Variants in DEPDC5 observed in about 807,000 individuals in gnomAD.
The protein encoded by DEPDC5 is GATOR1 complex protein DEPDC5.
In DEPDC5, 73 loss-of-function variants were observed where a neutral mutation model predicts 217.3. That is an observed-to-expected ratio of 0.34 (90% CI 0.28 to 0.41). The LOEUF (loss-of-function observed/expected upper bound fraction) is 0.41, where lower values mean the gene tolerates loss of function less well. DEPDC5 is among the 10% of genes least tolerant of loss of function. The pLI is 1.00. For synonymous variants in DEPDC5, 733 were observed against 756.7 expected (o/e 0.97, Z 0.51); for missense variants, 1,675 against 2,070.1 (o/e 0.81, Z 3.70).
At chr22:31,889,440 A>G (rs2093389151) in intron 38 of DEPDC5, among the ~76,000 whole-genome samples, 1 of 152,140 alleles carries the variant, frequency 6.6e-6, no homozygotes, top group Non-Finnish European at 1.5e-5. Context: ...GAAGAGATGC[A>G]TGAGGCCACT....
At chr22:31,782,139 T>A (rs5998125) in intron 8 of DEPDC5, among the ~76,000 whole-genome samples, 14,883 of 122,328 alleles carry the variant, frequency 0.12, 887 homozygotes, top group African/African-American at 0.19. Flanking sequence ...CTGAAAAAAA[T>A]TTTTTTTTTT....
At position 31,851,066 on chromosome 22, in the gene DEPDC5, CAAAAAAA is replaced by C. The variant is rs136861; in HGVS notation, c.3155+4112_3155+4118del. 5.1e-4 allele frequency among the ~76,000 whole-genome samples: 59 copies of C among 115,260 alleles called. 1 individual carries two copies. Among genetic ancestry groups the C allele is most frequent in the Admixed American group, 8.0e-4 (9 of 11,206 alleles). The allele number at this position is 115,260 out of a possible 152,430, so 75.6% of individuals were successfully genotyped here. A position where few individuals can be genotyped will look rare whatever the true frequency, so the allele number is the denominator to read the frequency against. ...TTGGTTACAGAGCGAGACTCCGTCT[CAAAAAAA>C]AAAAAAAAAAAATCCAGTTTTACTG... is the stretch of plus-strand genomic sequence containing the variant. On this transcript the variant is annotated intron_variant, in intron 31 of 42. Coordinates refer to ENST00000651528, the MANE Select transcript of DEPDC5 (RefSeq NM_001242896.3).
chr22:31,794,966 A>G (rs1465680976), intron 12 of DEPDC5, among the ~76,000 whole-genome samples: 2 of 152,134 alleles, frequency 1.3e-5, no homozygotes, highest in South Asian at 2.1e-4. Flanking sequence ...AATTCCATCT[A>G]CCAAATATAG....
intron 31 of DEPDC5, among the ~76,000 whole-genome samples, chr22:31,852,162 A>C (rs2149077248): frequency 6.6e-6 from 1 of 152,304 alleles, no homozygotes; most frequent in Admixed American, 6.5e-5. Context: ...CCCTGTCTCA[A>C]TAAAAAATGA....
At chr22:31,893,892 T>TA (rs2093492993) in intron 39 of DEPDC5, 141 bp downstream of exon 39, 2 of 983,278 alleles carry the variant, frequency 2.0e-6, no homozygotes, top group South Asian at 5.1e-5. Flanking sequence ...GTAACCTTTT[T>TA]AAAAAATTTA....
chr22:31,770,912 C>A (rs2083295335), intron 7 of DEPDC5, among the ~76,000 whole-genome samples: 1 of 151,108 alleles, frequency 6.6e-6, no homozygotes, highest in Non-Finnish European at 1.5e-5. Context: ...CTGCCTGGGC[C>A]TCCTGAACTA....
Position 31,809,597 on chromosome 22 carries a change from AT to A in DEPDC5, c.1288-11del, listed in dbSNP as rs764322066. 7.4e-6 allele frequency: 12 copies of A among 1,613,794 alleles called. No individual in the cohort carries two copies. The South Asian group carries it at 1.3e-4, about 18-fold the overall frequency. On this transcript the variant is annotated splice_polypyrimidine_tract_variant and intron_variant, in intron 18 of 42. Coordinates refer to ENST00000651528, the MANE Select transcript of DEPDC5 (RefSeq NM_001242896.3). ...CGAAGGAAGGAGTGATTAATTATCT[AT>A]TTAATTTTTCAGCCCGCCTCTGAGA... is the stretch of plus-strand genomic sequence containing the variant.
At position 31,822,750 on chromosome 22, in the gene DEPDC5, A is replaced by T; in HGVS notation, c.2064A>T (p.Thr688=). 1 of 1,614,164 alleles carries T rather than the reference A, an allele frequency of 6.2e-7. No homozygotes were observed. The highest frequency in any genetic ancestry group is 8.5e-7 in the Non-Finnish European group (1 of 1,180,016). ...TGTCCTTCTTGAACTTCAGTGGAACAGAGGAGCTTTCTGTCGGCCTGCTTA... is the reference window on the plus strand; with the variant it reads ...TGTCCTTCTTGAACTTCAGTGGAACTGAGGAGCTTTCTGTCGGCCTGCTTA... The part of the protein sequence containing the change: ...DGMSFLNFSG[T]EELSVGLLSN... Residue 688 remains threonine (T), a synonymous_variant, in exon 24 of 43, where the codon ACA becomes ACT. Transcript: ENST00000651528.
At chr22:31,823,373 A>C (rs2089876947) in intron 24 of DEPDC5, among the ~76,000 whole-genome samples, 1 of 151,954 alleles carries the variant, frequency 6.6e-6, no homozygotes, top group African/African-American at 2.4e-5. Context: ...TCTACCAAAA[A>C]CACAAAAAGA....
intron 28 of DEPDC5, 46 bp downstream of exon 28, chr22:31,843,258 T>C: frequency 1.3e-6 from 2 of 1,563,612 alleles, no homozygotes; most frequent in Non-Finnish European, 8.8e-7. Context: ...TCCTGAATTA[T>C]GGCCACATAC....
At chr22:31,803,507 C>T (rs1187337219) in intron 15 of DEPDC5, among the ~76,000 whole-genome samples, 1 of 152,118 alleles carries the variant, frequency 6.6e-6, no homozygotes, top group Non-Finnish European at 1.5e-5. Context: ...CCACCACACC[C>T]AGCCGCTGTC....
At chr22:31,849,599 G>A (rs1304764537) in intron 31 of DEPDC5, among the ~76,000 whole-genome samples, 1 of 152,026 alleles carries the variant, frequency 6.6e-6, no homozygotes, top group Non-Finnish European at 1.5e-5. Context: ...TAGCCAACAT[G>A]GTGAAATCCC....
rs561150184 is a variant in DEPDC5 at position 31,887,684 on chromosome 22, A to G, written c.4034-5898A>G. On this transcript the variant is annotated intron_variant, in intron 38 of 42. Coordinates refer to ENST00000651528, the MANE Select transcript of DEPDC5 (RefSeq NM_001242896.3). ...ATTTCATTCCATCAGCCTCTTGCCC[A>G]TCCGTCTTCCCAAAAGAAATGGGTT... 2.6e-5 allele frequency among the ~76,000 whole-genome samples: 4 copies of G among 152,262 alleles called. No individual in the cohort carries two copies. The East Asian group carries it at 5.8e-4, about 22-fold the overall frequency.
At chr22:31,866,359 A>G (rs2092689236) in intron 33 of DEPDC5, among the ~76,000 whole-genome samples, 1 of 151,858 alleles carries the variant, frequency 6.6e-6, no homozygotes. Flanking sequence ...AGTCTCTTCT[A>G]ATCTGTGACT....
intron 14 of DEPDC5, 94 bp downstream of exon 14, chr22:31,798,750 C>G: frequency 8.1e-7 from 1 of 1,235,634 alleles, no homozygotes; most frequent in South Asian, 1.3e-5. Flanking sequence ...AGAGAAGGTT[C>G]TTGGATCTTG....
chr22:31,863,821 G>A (rs936027735), intron 33 of DEPDC5, among the ~76,000 whole-genome samples: 6 of 151,872 alleles, frequency 4.0e-5, no homozygotes, highest in Admixed American at 3.9e-4. Flanking sequence ...TACTTGAGAG[G>A]GTGAGGGAGG....
At chr22:31,778,258 G>A in intron 8 of DEPDC5, 90 bp downstream of exon 8, 3 of 1,327,824 alleles carry the variant, frequency 2.3e-6, no homozygotes. Flanking sequence ...GGCGGGGCAG[G>A]ACACCAAGGT....
chr22:31,879,029 C>CAAAAAAAAA (rs1264327219), intron 37 of DEPDC5, among the ~76,000 whole-genome samples: 217 of 67,962 alleles, frequency 3.2e-3, no homozygotes, highest in Non-Finnish European at 4.7e-3. Context: ...GACTCCGTCT[C>CAAAAAAAAA]AAAAAAAAAA....
At chr22:31,893,521 G>A in intron 38 of DEPDC5, 61 bp from the exon 39 acceptor site, 1 of 1,426,948 alleles carries the variant, frequency 7.0e-7, no homozygotes, top group Non-Finnish European at 9.3e-7. Context: ...TTAGTTATTT[G>A]TTCTTCTTCA....
Sources: allele counts gnomAD v4.1 joint callset (sites outside exome capture counted in the v4.1 genomes callset), GRCh38; gene constraint gnomAD v4.1.1; transcripts MANE v1.5; gene names NCBI Gene and HGNC (gene_info 2026-07-23, HGNC 2026-07-21).